Variants in DLG2 observed in about 807,000 individuals in gnomAD.
DLG2 encodes discs large MAGUK scaffold protein 2, also known as disks large homolog 2.
In DLG2, 45 loss-of-function variants were observed where a neutral mutation model predicts 132.5. That is an observed-to-expected ratio of 0.34 (90% CI 0.27 to 0.44). DLG2 has a LOEUF of 0.44. DLG2 is among the 20% of genes least tolerant of loss of function. The pLI, the probability that DLG2 is intolerant of heterozygous loss-of-function variation, is 1.00. For missense variants in DLG2, 1,045 were observed against 1,196.9 expected (o/e 0.87, Z 1.87); for synonymous variants, 424 against 419.6 (o/e 1.01, Z -0.13).
At chr11:84,099,321 A>G (rs2092181843) in intron 9 of DLG2, among the ~76,000 whole-genome samples, 1 of 152,210 alleles carries the variant, frequency 6.6e-6, no homozygotes. Context: ...GAAGCAGGAA[A>G]TAAAAACTTA....
intron 3 of DLG2, among the ~76,000 whole-genome samples, chr11:85,567,021 A>T (rs1183325574): frequency 6.6e-6 from 1 of 152,130 alleles, no homozygotes; most frequent in East Asian, 1.9e-4. Flanking sequence ...ATTCTATTCC[A>T]TTGATTTATG....
At position 85,396,615 on chromosome 11, in the gene DLG2, G is replaced by C. The variant is rs546490103; in HGVS notation, c.41-111250C>G. Among the ~76,000 whole-genome samples the C allele has an allele frequency of 3.3e-5, 5 of 152,246 alleles. No individual in the cohort carries two copies. In the East Asian group the frequency reaches 7.7e-4, roughly 24 times the overall value. The stretch of plus-strand genomic sequence containing the variant: ...GATGGAGGTGAAAACCACAGCACGA[G>C]CACTTCGCGATGCATGCACAAGCTT... On this transcript the variant is annotated intron_variant, in intron 3 of 27. Coordinates refer to ENST00000376104, the MANE Select transcript of DLG2 (RefSeq NM_001142699.3).
At chr11:85,452,832 T>A (rs181485328) in intron 3 of DLG2, 2 of 165,874 alleles carry the variant, frequency 1.2e-5, no homozygotes. Flanking sequence ...GGCAGCAGCT[T>A]CATGGGATAT....
intron 20 of DLG2, among the ~76,000 whole-genome samples, chr11:83,538,785 G>C (rs190890514): frequency 6.6e-6 from 1 of 152,250 alleles, no homozygotes; most frequent in East Asian, 1.9e-4. Context: ...TGCCCTAATC[G>C]CAGAGTAGCT....
At chr11:85,590,156 A>G (rs967937232) in intron 3 of DLG2, among the ~76,000 whole-genome samples, 1 of 152,138 alleles carries the variant, frequency 6.6e-6, no homozygotes, top group Admixed American at 6.6e-5. Flanking sequence ...CCAGAGCCTA[A>G]TGTGGTGTCT....
chr11:83,638,569 C>T (rs67079375), intron 18 of DLG2, among the ~76,000 whole-genome samples: 46,230 of 151,960 alleles, frequency 0.3, 7,274 homozygotes, highest in African/African-American at 0.35. Flanking sequence ...ATTGTAACCC[C>T]TTTCTGTACT....
chr11:84,566,529 G>C (rs1453612817), intron 6 of DLG2, among the ~76,000 whole-genome samples: 2 of 152,086 alleles, frequency 1.3e-5, no homozygotes, highest in Non-Finnish European at 2.9e-5. Flanking sequence ...CTAACTGTAT[G>C]GGCAGGACCT....
At chr11:85,533,458 C>CATATATATATATATATATATATAT (rs34379979) in intron 3 of DLG2, among the ~76,000 whole-genome samples, 1 of 142,150 alleles carries the variant, frequency 7.0e-6, no homozygotes, top group African/African-American at 2.5e-5. Flanking sequence ...ACATAAAATA[C>CATATATATATATATATATATATAT]ATATATATAT....
At chr11:83,794,252 C>A (rs1721114071) in intron 17 of DLG2, among the ~76,000 whole-genome samples, 1 of 152,128 alleles carries the variant, frequency 6.6e-6, no homozygotes, top group South Asian at 2.1e-4. Context: ...CTGGTTTTAG[C>A]AAACATGTTC....
At chr11:85,615,563 T>C (rs2081278194) in intron 2 of DLG2, among the ~76,000 whole-genome samples, 1 of 152,104 alleles carries the variant, frequency 6.6e-6, no homozygotes, top group African/African-American at 2.4e-5. Flanking sequence ...TACTGATTTT[T>C]GCATCATTCC....
At chr11:83,644,372 A>G (rs1334648769) in intron 18 of DLG2, among the ~76,000 whole-genome samples, 1 of 152,114 alleles carries the variant, frequency 6.6e-6, no homozygotes, top group Non-Finnish European at 1.5e-5. Flanking sequence ...CACTAAAATA[A>G]TTTTCAATTT....
chr11:84,981,691 AAAAT>A (rs1190053500), intron 6 of DLG2, among the ~76,000 whole-genome samples: 3 of 152,192 alleles, frequency 2.0e-5, no homozygotes, highest in Non-Finnish European at 4.4e-5. Flanking sequence ...CTACCTAAAA[AAAAT>A]AAATAAATAA....
chr11:85,334,746 C>A (rs1240074940), intron 3 of DLG2, among the ~76,000 whole-genome samples: 7 of 151,996 alleles, frequency 4.6e-5, no homozygotes, highest in Admixed American at 4.6e-4. Flanking sequence ...GAGATATCTT[C>A]TTGGTATTAA....
chr11:84,719,349 C>T (rs796662619), intron 6 of DLG2, among the ~76,000 whole-genome samples: 65 of 152,302 alleles, frequency 4.3e-4, no homozygotes, highest in African/African-American at 1.6e-3. Flanking sequence ...AAAGCTCTCT[C>T]TCTTTCTCTC....
intron 4 of DLG2, among the ~76,000 whole-genome samples, chr11:85,214,780 T>A (rs1180510214): frequency 6.6e-6 from 1 of 152,196 alleles, no homozygotes; most frequent in Non-Finnish European, 1.5e-5. Context: ...TTGATTTTTT[T>A]ATATACATAC....
At chr11:84,335,573 C>A (rs529680901) in intron 7 of DLG2, among the ~76,000 whole-genome samples, 1 of 152,096 alleles carries the variant, frequency 6.6e-6, no homozygotes, top group Non-Finnish European at 1.5e-5. Flanking sequence ...CAACAGTTTA[C>A]GGGTGTTTTA....
At chr11:84,292,616 G>A (rs2098019264) in intron 7 of DLG2, among the ~76,000 whole-genome samples, 1 of 152,134 alleles carries the variant, frequency 6.6e-6, no homozygotes, top group African/African-American at 2.4e-5. Flanking sequence ...TAAGCTATCA[G>A]AATCTGGCAC....
At chr11:83,981,271 A>G (rs531937972) in intron 11 of DLG2, among the ~76,000 whole-genome samples, 3 of 152,250 alleles carry the variant, frequency 2.0e-5, no homozygotes, top group South Asian at 4.1e-4. Context: ...CCACCTTGTC[A>G]TATTTTATAT....
chr11:84,145,134 G>C (rs1329610203), intron 9 of DLG2, among the ~76,000 whole-genome samples: 5 of 152,136 alleles, frequency 3.3e-5, no homozygotes, highest in African/African-American at 1.2e-4. Flanking sequence ...ACTTTGATTA[G>C]AACATTCAAC....
Sources: gnomAD v4.1 joint callset for allele counts (sites outside exome capture counted in the v4.1 genomes callset) on GRCh38, gnomAD v4.1.1 for gene constraint, MANE v1.5 for transcripts, NCBI Gene and HGNC (gene_info 2026-07-23, HGNC 2026-07-21) for gene names.